HCRTR2: variants seen among roughly 807,000 people sequenced by gnomAD.
The protein encoded by HCRTR2 is hypocretin receptor 2.
In HCRTR2, 22 loss-of-function variants were observed where a neutral mutation model predicts 49.0. The observed-to-expected ratio is 0.45, with a 90% CI of 0.32 to 0.64. The LOEUF (loss-of-function observed/expected upper bound fraction) is 0.64. HCRTR2 is among the 30% of genes least tolerant of loss of function. The pLI is 0.04. For missense variants in HCRTR2, 491 were observed against 559.4 expected (o/e 0.88, Z 1.23); for synonymous variants, 236 against 205.3 (o/e 1.15, Z -1.28).
At position 55,174,726 on chromosome 6, in the gene HCRTR2, T is replaced by C. The variant is rs1263024569; in HGVS notation, c.139T>C (p.Tyr47His). ...ATTCCTGCGGTACCTGTGGAGGGAATACCTGCACCCGAAAGAATATGAGTG... is the reference window on the plus strand; with the variant it reads ...ATTCCTGCGGTACCTGTGGAGGGAACACCTGCACCCGAAAGAATATGAGTG... ...EEFLRYLWRE[Y>H]LHPKEYEWVL... Residue 47 changes from tyrosine (Y) to histidine (H), a missense_variant, in exon 1 of 7, where the codon TAC (tyrosine) becomes CAC (histidine). Transcript: ENST00000370862. 1.2e-6 allele frequency: 2 copies of C among 1,614,076 alleles called. No individual in the cohort carries two copies. Among genetic ancestry groups the C allele is most frequent in the Non-Finnish European group, 1.7e-6 (2 of 1,179,998 alleles).
intron 1 of HCRTR2, among the ~76,000 whole-genome samples, chr6:55,245,964 C>A (rs573230117): frequency 6.6e-6 from 1 of 151,850 alleles, no homozygotes. Flanking sequence ...GTAGGGTGGG[C>A]CTTTAATCCA....
chr6:55,276,823 C>T (rs1003162523), intron 4 of HCRTR2, among the ~76,000 whole-genome samples: 1 of 152,094 alleles, frequency 6.6e-6, no homozygotes, highest in South Asian at 2.1e-4. Flanking sequence ...TAGTGAACAA[C>T]AAAAAATACT....
intron 1 of HCRTR2, among the ~76,000 whole-genome samples, chr6:55,215,069 G>C (rs1765764152): frequency 6.6e-6 from 1 of 152,050 alleles, no homozygotes; most frequent in South Asian, 2.1e-4. Context: ...TAGATATTCT[G>C]AATCCAGAGC....
At chr6:55,284,108 A>C (rs1361849667), downstream of HCRTR2, among the ~76,000 whole-genome samples, 1 of 152,184 alleles carries the variant, frequency 6.6e-6, no homozygotes, top group African/African-American at 2.4e-5. Context: ...AAGTTTGAGG[A>C]TAACTTCAAA....
At chr6:55,248,585 C>T in intron 1 of HCRTR2, 54 bp from the exon 2 acceptor site, 2 of 1,381,930 alleles carry the variant, frequency 1.4e-6, no homozygotes, top group Non-Finnish European at 2.1e-6. Context: ...AGTGTTTCCT[C>T]ACCAATACCT....
At chr6:55,109,647 A>G (rs2127610300) in intron 1 of HCRTR2, among the ~76,000 whole-genome samples, 1 of 151,498 alleles carries the variant, frequency 6.6e-6, no homozygotes, top group Middle Eastern at 3.4e-3. Context: ...AAGGATTTGA[A>G]TTAACACAAT....
At chr6:55,213,931 GAGTCAA>G (rs1035158016) in intron 1 of HCRTR2, among the ~76,000 whole-genome samples, 1 of 151,142 alleles carries the variant, frequency 6.6e-6, no homozygotes, top group African/African-American at 2.4e-5. Context: ...GGGAGAGAAA[GAGTCAA>G]AGCAATTATA....
At chr6:55,107,492 T>C (rs1013184363) in intron 1 of HCRTR2, among the ~76,000 whole-genome samples, 2 of 152,142 alleles carry the variant, frequency 1.3e-5, no homozygotes, top group African/African-American at 4.8e-5. Context: ...ACTTACTTAC[T>C]ATACAAATAT....
intron 1 of HCRTR2, among the ~76,000 whole-genome samples, chr6:55,227,101 A>T (rs987481022): frequency 2.6e-5 from 4 of 151,910 alleles, no homozygotes; most frequent in African/African-American, 9.7e-5. Context: ...TGTTACTTGG[A>T]TTCATTACTT....
intron 1 of HCRTR2, among the ~76,000 whole-genome samples, chr6:55,159,581 G>A (rs543972721): frequency 4.1e-4 from 63 of 152,126 alleles, no homozygotes; most frequent in Non-Finnish European, 8.5e-4. Flanking sequence ...AGGAAGCTAA[G>A]AACCTTGAAA....
At chr6:55,204,362 A>C (rs1319135872) in intron 1 of HCRTR2, among the ~76,000 whole-genome samples, 2 of 152,074 alleles carry the variant, frequency 1.3e-5, no homozygotes, top group Non-Finnish European at 2.9e-5. Flanking sequence ...ATTTTTATTA[A>C]TTTTCTCCCC....
At chr6:55,261,034 T>C (rs993871401) in intron 3 of HCRTR2, among the ~76,000 whole-genome samples, 14 of 152,108 alleles carry the variant, frequency 9.2e-5, no homozygotes, top group African/African-American at 3.4e-4. Context: ...GTATGTAAAT[T>C]TTAGAAGAAA....
At chr6:55,266,518 T>C (rs147204845) in intron 4 of HCRTR2, among the ~76,000 whole-genome samples, 1 of 152,156 alleles carries the variant, frequency 6.6e-6, no homozygotes, top group African/African-American at 2.4e-5. Flanking sequence ...TTAATGAGCA[T>C]GTAGGAATAA....
At chr6:55,113,824 G>T (rs533002181) in intron 1 of HCRTR2, among the ~76,000 whole-genome samples, 6 of 151,748 alleles carry the variant, frequency 4.0e-5, no homozygotes, top group African/African-American at 1.4e-4. Context: ...GGAGTCATAT[G>T]CAAAAAAGAC....
At chr6:55,145,703 C>T (rs1401622794) in intron 1 of HCRTR2, among the ~76,000 whole-genome samples, 2 of 152,260 alleles carry the variant, frequency 1.3e-5, no homozygotes, top group East Asian at 1.9e-4. Flanking sequence ...GCTTGAGACA[C>T]TGCGCCCGGC....
At position 55,190,304 on chromosome 6, in the gene HCRTR2, G is replaced by A. The variant is rs9464205; in HGVS notation, c.223+15494G>A. Among the ~76,000 whole-genome samples the A allele has an allele frequency of 4.8e-3, 725 of 152,220 alleles. 6 individuals are homozygous for A. Among genetic ancestry groups the A allele is most frequent in the African/African-American group, 0.017 (703 of 41,528 alleles). ...AACTGAACCAATAGGATTTGATGAC[G>A]GATTGCCTTATGGGTATAAGAGAAA... On this transcript the variant is annotated intron_variant, in intron 1 of 6. Coordinates refer to ENST00000370862, the MANE Select transcript of HCRTR2 (RefSeq NM_001384272.1).
rs556260318 is a variant in HCRTR2, at chr6:55,184,389, T to C, written c.223+9579T>C. ...TGACTGAGGTTTCAATGCATCACTG[T>C]ACTCCTAGCTATCTCTCATTTTAGC... On this transcript the variant is annotated intron_variant, in intron 1 of 6. Transcript: ENST00000370862. Among the ~76,000 whole-genome samples the C allele has an allele frequency of 5.3e-5, 8 of 152,352 alleles. No homozygotes were observed. In the South Asian group the frequency reaches 1.7e-3, roughly 32 times the overall value.
chr6:55,214,835 T>G (rs543649861), intron 1 of HCRTR2, among the ~76,000 whole-genome samples: 1 of 151,788 alleles, frequency 6.6e-6, no homozygotes, highest in East Asian at 1.9e-4. Context: ...TAATACTAGA[T>G]TTGAACAAGC....
intron 4 of HCRTR2, among the ~76,000 whole-genome samples, chr6:55,266,454 A>G (rs187421746): frequency 1.3e-5 from 2 of 152,284 alleles, no homozygotes; most frequent in Admixed American, 6.5e-5. Flanking sequence ...ACTCCGATAA[A>G]CATTTGTAGA....
Sources: gnomAD v4.1 joint callset for allele counts (sites outside exome capture counted in the v4.1 genomes callset) on GRCh38, gnomAD v4.1.1 for gene constraint, MANE v1.5 for transcripts, NCBI Gene and HGNC (gene_info 2026-07-23, HGNC 2026-07-21) for gene names.